Variants in FMN1 observed in about 807,000 individuals in gnomAD.
FMN1 encodes the protein formin-1.
A neutral mutation model predicts 132.4 loss-of-function variants in FMN1; 110 were observed. The ratio of observed to expected loss-of-function variants is 0.83; its 90% CI spans 0.71 to 0.97. The LOEUF (loss-of-function observed/expected upper bound fraction) is 0.97, where lower values mean the gene tolerates loss of function less well. FMN1 is among the 50% of genes least tolerant of loss of function. FMN1 has a pLI of 0.00. For missense variants in FMN1, 1,792 were observed against 1,705.3 expected (o/e 1.05, Z -0.90); for synonymous variants, 722 against 651.7 (o/e 1.11, Z -1.64).
rs985807938 is a variant in FMN1, at chr15:33,052,950, C to T, written c.2161+12007G>A. 4.5e-4 allele frequency among the ~76,000 whole-genome samples: 68 copies of T among 151,906 alleles called. 1 individual carries two copies. The highest frequency in any genetic ancestry group is 4.4e-5 in the Non-Finnish European group (3 of 67,956). ...TTGTGAGTCCATAAAATGCCCCAGA[C>T]CCAACCACAGGCAGAGAAACCACCT... On this transcript the variant is annotated intron_variant, in intron 6 of 20. Transcript: ENST00000616417.
At chr15:33,123,401 T>C (rs935000554) in intron 4 of FMN1, among the ~76,000 whole-genome samples, 1 of 152,172 alleles carries the variant, frequency 6.6e-6, no homozygotes, top group Non-Finnish European at 1.5e-5. Flanking sequence ...TATACAGACT[T>C]GGTTCAAACA....
intron 17 of FMN1, among the ~76,000 whole-genome samples, chr15:32,811,778 C>T (rs1054410399): frequency 6.6e-6 from 1 of 152,036 alleles, no homozygotes; most frequent in Non-Finnish European, 1.5e-5. Flanking sequence ...GATTCTCCTG[C>T]CTCAGCCTTC....
chr15:32,881,550 A>G (rs1244254232), intron 16 of FMN1, among the ~76,000 whole-genome samples: 2 of 152,182 alleles, frequency 1.3e-5, no homozygotes, highest in South Asian at 2.1e-4. Flanking sequence ...GTCCTCCAAA[A>G]GGTTTCCAAA....
intron 2 of FMN1, among the ~76,000 whole-genome samples, chr15:33,184,719 G>C (rs1331033985): frequency 2.6e-5 from 4 of 152,028 alleles, no homozygotes; most frequent in Admixed American, 2.6e-4. Context: ...GGCCAGGCTG[G>C]TCTCAAACTC....
intron 6 of FMN1, among the ~76,000 whole-genome samples, chr15:33,021,576 A>G (rs1292098424): frequency 6.6e-6 from 1 of 152,176 alleles, no homozygotes; most frequent in African/African-American, 2.4e-5. Context: ...TTCTGGGATG[A>G]TGATATAAAA....
At chr15:32,842,789 T>A (rs1053383373) in intron 17 of FMN1, among the ~76,000 whole-genome samples, 1 of 106,550 alleles carries the variant, frequency 9.4e-6, no homozygotes, top group Non-Finnish European at 2.2e-5. Context: ...AACCTCAGCT[T>A]TTTTTTTTTT....
chr15:32,866,425 A>G (rs913284285), intron 16 of FMN1, among the ~76,000 whole-genome samples: 1 of 152,168 alleles, frequency 6.6e-6, no homozygotes, highest in Non-Finnish European at 1.5e-5. Context: ...TGAATAGTAA[A>G]ACGCTAGCCA....
At chr15:32,778,853 A>G (rs749345657) in intron 19 of FMN1, among the ~76,000 whole-genome samples, 2 of 152,164 alleles carry the variant, frequency 1.3e-5, no homozygotes, top group Non-Finnish European at 2.9e-5. Flanking sequence ...ATGTCTATAT[A>G]AAAATTTGCA....
intron 4 of FMN1, among the ~76,000 whole-genome samples, chr15:33,147,779 T>A (rs977405997): frequency 6.6e-6 from 1 of 152,228 alleles, no homozygotes; most frequent in Non-Finnish European, 1.5e-5. Context: ...TAGTAGAACA[T>A]TTATTTCGTA....
chr15:33,017,851 G>A (rs886167413), intron 6 of FMN1, among the ~76,000 whole-genome samples: 7 of 152,144 alleles, frequency 4.6e-5, no homozygotes, highest in African/African-American at 1.2e-4. Context: ...GATTTCCTGA[G>A]GTCAGGAGTT....
intron 9 of FMN1, among the ~76,000 whole-genome samples, chr15:32,927,749 A>T (rs2060998785): frequency 6.6e-6 from 1 of 152,030 alleles, no homozygotes; most frequent in African/African-American, 2.4e-5. Flanking sequence ...AGGGAAAAAA[A>T]CTCTCTTTCC....
rs140042577 is a variant in FMN1, at chr15:32,853,021, T to C, written c.3928+3994A>G. Among the ~76,000 whole-genome samples the C allele has an allele frequency of 1.3e-3, 197 of 152,322 alleles. 2 individuals carry two copies. The highest frequency in any genetic ancestry group is 4.6e-3 in the African/African-American group (191 of 41,584). On this transcript the variant is annotated intron_variant, in intron 17 of 20. Coordinates refer to ENST00000616417, the MANE Select transcript of FMN1 (RefSeq NM_001277313.2). ...TTTCCTCTGCCTGGAATGCCCTTTG[T>C]AGCCTGTCTGCTGAGAATTTCTAAT...
At chr15:32,870,160 G>A (rs2059482575) in intron 16 of FMN1, among the ~76,000 whole-genome samples, 2 of 152,044 alleles carry the variant, frequency 1.3e-5, no homozygotes, top group African/African-American at 4.8e-5. Flanking sequence ...TTCCTTTCAT[G>A]GTAGTAGGAC....
rs1276214936 is a variant in FMN1, at chr15:32,873,898, A to G, written c.3835+14274T>C. 3.3e-5 allele frequency among the ~76,000 whole-genome samples: 5 copies of G among 152,128 alleles called. No homozygotes were observed. The East Asian group carries it at 7.7e-4, about 23-fold the overall frequency. ...CTTTGGGATGAGTCAGGTATATGTA[A>G]TATGACTCAGCAAAACCGCTCCATC... On this transcript the variant is annotated intron_variant, in intron 16 of 20. Transcript: ENST00000616417.
intron 17 of FMN1, among the ~76,000 whole-genome samples, chr15:32,851,553 A>AGTGTGGAAAAGAAAAAAGACAC (rs2059008856): frequency 6.6e-6 from 1 of 152,210 alleles, no homozygotes; most frequent in African/African-American, 2.4e-5. Flanking sequence ...ACAAGAGCCT[A>AGTGTGGAAAAGAAAAAAGACAC]GTGTGGAAAA....
chr15:33,008,905 G>A (rs1300719691), intron 6 of FMN1, among the ~76,000 whole-genome samples: 1 of 152,166 alleles, frequency 6.6e-6, no homozygotes, highest in Non-Finnish European at 1.5e-5. Context: ...TGTGTTTGGG[G>A]TCATGAGTAT....
intron 16 of FMN1, among the ~76,000 whole-genome samples, chr15:32,862,760 C>T (rs915353439): frequency 2.6e-5 from 4 of 152,140 alleles, no homozygotes; most frequent in Non-Finnish European, 5.9e-5. Flanking sequence ...AGATATGAAA[C>T]TTGTTTCTTT....
intron 17 of FMN1, among the ~76,000 whole-genome samples, chr15:32,853,038 A>C (rs2059044883): frequency 6.6e-6 from 1 of 152,120 alleles, no homozygotes. Context: ...TCTGCTGAGA[A>C]TTTCTAATCC....
At position 32,768,311 on chromosome 15, in the gene FMN1, A is replaced by G. The variant is rs1306017399; in HGVS notation, c.*5999T>C. ...GAACCCAGTTAACAGTCAAAAACACATTCGTTTCATAAGAGGAAAGTGGAA... is the reference window on the plus strand; with the variant it reads ...GAACCCAGTTAACAGTCAAAAACACGTTCGTTTCATAAGAGGAAAGTGGAA... On this transcript the variant is annotated 3_prime_UTR_variant, in exon 21 of 21. Coordinates refer to ENST00000616417, the MANE Select transcript of FMN1 (RefSeq NM_001277313.2). The G allele has an allele frequency of 1.3e-5, 2 of 152,186 alleles. No individual in the cohort carries two copies. The highest frequency in any genetic ancestry group is 1.5e-5 in the Non-Finnish European group (1 of 68,042). 9.4% of individuals were successfully genotyped at this position (152,186 alleles called of 1,614,324 possible). A position where few individuals can be genotyped will look rare whatever the true frequency, so the allele number is the denominator to read the frequency against.
Sources: gnomAD v4.1 joint callset for allele counts (sites outside exome capture counted in the v4.1 genomes callset) on GRCh38, gnomAD v4.1.1 for gene constraint, MANE v1.5 for transcripts, NCBI Gene and HGNC (gene_info 2026-07-23, HGNC 2026-07-21) for gene names.